Variants in GRID2 observed in about 807,000 individuals in gnomAD.
GRID2 encodes glutamate ionotropic receptor delta type subunit 2.
In GRID2, 33 loss-of-function variants were observed where a neutral mutation model predicts 114.8. That is an observed-to-expected ratio of 0.29 (90% CI 0.22 to 0.38). GRID2 has a LOEUF of 0.38. Among genes scored for constraint, GRID2 ranks in the 10% least tolerant of loss-of-function variants. GRID2 has a pLI of 1.00. For synonymous variants in GRID2, 505 were observed against 449.9 expected (o/e 1.12, Z -1.55); for missense variants, 1,184 against 1,257.7 (o/e 0.94, Z 0.89).
At chr4:93,527,586 T>C (rs969420841) in intron 13 of GRID2, among the ~76,000 whole-genome samples, 5 of 151,950 alleles carry the variant, frequency 3.3e-5, no homozygotes, top group Non-Finnish European at 5.9e-5. Context: ...TTTTATGTGA[T>C]AAAAATTGGC....
chr4:92,865,677 G>C (rs1357396103), intron 2 of GRID2, among the ~76,000 whole-genome samples: 1 of 152,114 alleles, frequency 6.6e-6, no homozygotes, highest in Non-Finnish European at 1.5e-5. Context: ...ATTTGATATA[G>C]AGTACAAAAA....
chr4:92,972,164 A>G (rs1328594173), intron 2 of GRID2, among the ~76,000 whole-genome samples: 2 of 150,852 alleles, frequency 1.3e-5, no homozygotes, highest in Non-Finnish European at 2.9e-5. Flanking sequence ...TCTTGTCAAC[A>G]GTGTATAAGA....
At chr4:92,801,172 G>A (rs1470552127) in intron 2 of GRID2, among the ~76,000 whole-genome samples, 1 of 151,958 alleles carries the variant, frequency 6.6e-6, no homozygotes, top group Non-Finnish European at 1.5e-5. Context: ...AAGAGCCCCT[G>A]AGAAAGGCAG....
intron 8 of GRID2, among the ~76,000 whole-genome samples, chr4:93,329,155 G>A (rs1302705787): frequency 6.6e-6 from 1 of 152,080 alleles, no homozygotes; most frequent in Non-Finnish European, 1.5e-5. Context: ...AGATAAAGGG[G>A]TTTCAAGAAG....
chr4:93,463,177 C>G (rs904606740), intron 11 of GRID2, among the ~76,000 whole-genome samples: 1 of 152,040 alleles, frequency 6.6e-6, no homozygotes, highest in Non-Finnish European at 1.5e-5. Context: ...TTCTTTTTAT[C>G]GCACAATTCT....
chr4:92,893,167 TTTTTTC>T (rs1746910413), intron 2 of GRID2, among the ~76,000 whole-genome samples: 1 of 152,188 alleles, frequency 6.6e-6, no homozygotes, highest in African/African-American at 2.4e-5. Flanking sequence ...AATGTAGATT[TTTTTTC>T]TGAGTATAGT....
At chr4:92,567,085 T>G (rs1050638026) in intron 1 of GRID2, among the ~76,000 whole-genome samples, 4 of 152,042 alleles carry the variant, frequency 2.6e-5, no homozygotes, top group Non-Finnish European at 4.4e-5. Flanking sequence ...TGTTCACTAC[T>G]TCACTTGCAA....
chr4:93,141,166 A>T (rs191064666), intron 4 of GRID2, among the ~76,000 whole-genome samples: 53 of 152,010 alleles, frequency 3.5e-4, no homozygotes, highest in African/African-American at 1.3e-3. Context: ...AGTTCTATTT[A>T]TTTTGTGTTA....
intron 2 of GRID2, among the ~76,000 whole-genome samples, chr4:92,791,626 TATA>T (rs1046394432): frequency 6.6e-6 from 1 of 151,726 alleles, no homozygotes; most frequent in Non-Finnish European, 1.5e-5. Context: ...TGAATGAAAA[TATA>T]ATAAGGAAAG....
chr4:92,861,619 A>G (rs1257942060), intron 2 of GRID2, among the ~76,000 whole-genome samples: 1 of 152,102 alleles, frequency 6.6e-6, no homozygotes, highest in Admixed American at 6.6e-5. Flanking sequence ...TAGGCATGGT[A>G]ATGTCAGGGA....
intron 1 of GRID2, among the ~76,000 whole-genome samples, chr4:92,503,848 C>T (rs1483396124): frequency 6.6e-6 from 1 of 152,022 alleles, no homozygotes; most frequent in African/African-American, 2.4e-5. Context: ...ATAGAATAAT[C>T]ATGAATATTT....
intron 2 of GRID2, among the ~76,000 whole-genome samples, chr4:92,652,370 A>G (rs1273853727): frequency 6.6e-6 from 1 of 151,986 alleles, no homozygotes; most frequent in Non-Finnish European, 1.5e-5. Context: ...TAACCATCAC[A>G]GTCTTTACTT....
chr4:92,446,828 T>A (rs1733496482), intron 1 of GRID2, among the ~76,000 whole-genome samples: 1 of 152,234 alleles, frequency 6.6e-6, no homozygotes, highest in Admixed American at 6.5e-5. Flanking sequence ...ATATCTGCTC[T>A]GCATGAATGA....
At chr4:92,629,968 T>C (rs1048083970) in intron 2 of GRID2, among the ~76,000 whole-genome samples, 9 of 149,676 alleles carry the variant, frequency 6.0e-5, no homozygotes, top group African/African-American at 2.2e-4. Context: ...ATTTATAAAA[T>C]TTAAATGCAA....
At chr4:93,726,007 C>T (rs1729846820) in intron 14 of GRID2, among the ~76,000 whole-genome samples, 1 of 152,088 alleles carries the variant, frequency 6.6e-6, no homozygotes, top group Non-Finnish European at 1.5e-5. Context: ...ATTTGTCAAT[C>T]TTTGGCTTTG....
At chr4:92,322,036 A>T (rs1726342766) in intron 1 of GRID2, among the ~76,000 whole-genome samples, 2 of 152,256 alleles carry the variant, frequency 1.3e-5, no homozygotes, top group South Asian at 4.1e-4. Flanking sequence ...TGCAACTTAC[A>T]TGTACTGCTA....
intron 2 of GRID2, among the ~76,000 whole-genome samples, chr4:92,640,475 CAG>C (rs1320810998): frequency 6.6e-6 from 1 of 151,700 alleles, no homozygotes; most frequent in Non-Finnish European, 1.5e-5. Context: ...ATAGGTCAAA[CAG>C]AAATGTAACA....
At chr4:93,449,236 C>T (rs1250218519) in intron 10 of GRID2, among the ~76,000 whole-genome samples, 1 of 151,922 alleles carries the variant, frequency 6.6e-6, no homozygotes, top group Non-Finnish European at 1.5e-5. Context: ...AGACCTAGTA[C>T]TTGTGAAATG....
intron 14 of GRID2, among the ~76,000 whole-genome samples, chr4:93,652,784 T>TAAAAAAAA (rs200098114): frequency 8.1e-5 from 7 of 86,412 alleles, no homozygotes; most frequent in East Asian, 5.1e-4. Context: ...CAGTAAATGC[T>TAAAAAAAA]AAAAAAAAAA....
Sources: allele counts gnomAD v4.1 joint callset (sites outside exome capture counted in the v4.1 genomes callset), GRCh38; gene constraint gnomAD v4.1.1; transcripts MANE v1.5; gene names NCBI Gene and HGNC (gene_info 2026-07-23, HGNC 2026-07-21).